FBXL13: variants seen among roughly 807,000 people sequenced by gnomAD.
FBXL13 encodes F-box and leucine rich repeat protein 13, also known as F-box and leucine-rich repeat protein 13.
Under a neutral mutation model 83.6 loss-of-function variants are expected in FBXL13, and 67 were observed. The observed-to-expected ratio is 0.80, with a 90% CI of 0.66 to 0.98. FBXL13 has a LOEUF of 0.98. Ranked by LOEUF, FBXL13 falls within the 50% of genes least tolerant of loss-of-function variation. The probability of loss-of-function intolerance (pLI) is 0.00; values close to 1 mark genes in which losing one functional copy is unlikely to be tolerated. For missense variants in FBXL13, 822 were observed against 866.5 expected (o/e 0.95, Z 0.64); for synonymous variants, 272 against 299.5 (o/e 0.91, Z 0.95).
At chr7:102,833,304 T>TC (rs1433511601) in intron 17 of FBXL13, among the ~76,000 whole-genome samples, 2 of 152,134 alleles carry the variant, frequency 1.3e-5, no homozygotes, top group Non-Finnish European at 2.9e-5. Flanking sequence ...TGGCAGACAC[T>TC]CCAAGATTGA....
intron 2 of FBXL13, among the ~76,000 whole-genome samples, chr7:103,029,782 A>T (rs1050519640): frequency 3.7e-5 from 1 of 27,018 alleles, no homozygotes; most frequent in Non-Finnish European, 9.3e-5. Context: ...TTCTGAATCA[A>T]ACAGAATGAT....
At chr7:102,871,444 G>A (rs1047276172) in intron 16 of FBXL13, among the ~76,000 whole-genome samples, 12 of 151,834 alleles carry the variant, frequency 7.9e-5, no homozygotes, top group African/African-American at 2.7e-4. Flanking sequence ...GGAGTGCAGT[G>A]GTACAATCTC....
At chr7:102,844,778 T>C (rs1438867317) in intron 17 of FBXL13, among the ~76,000 whole-genome samples, 1 of 152,182 alleles carries the variant, frequency 6.6e-6, no homozygotes, top group Non-Finnish European at 1.5e-5. Context: ...AGATTTCAGA[T>C]GCCAATCGCA....
intron 1 of FBXL13, among the ~76,000 whole-genome samples, chr7:103,066,385 G>A (rs1355517894): frequency 2.6e-5 from 4 of 151,406 alleles, no homozygotes; most frequent in African/African-American, 9.7e-5. Flanking sequence ...TGGCTATTAT[G>A]AATGTAATTT....
At chr7:102,926,139 C>A in intron 10 of FBXL13, 135 bp downstream of exon 11, 1 of 685,376 alleles carries the variant, frequency 1.5e-6, no homozygotes, top group East Asian at 2.9e-5. Flanking sequence ...AAGCAGCAGA[C>A]CCCTTATCAG....
intron 11 of FBXL13, among the ~76,000 whole-genome samples, chr7:102,898,767 C>G (rs1812597299): frequency 6.6e-6 from 1 of 152,152 alleles, no homozygotes; most frequent in Admixed American, 6.6e-5. Flanking sequence ...GCAACAAATT[C>G]AGATACATCG....
At chr7:103,017,488 A>G (rs556227526) in intron 6 of FBXL13, among the ~76,000 whole-genome samples, 16 of 152,302 alleles carry the variant, frequency 1.1e-4, no homozygotes, top group Middle Eastern at 6.8e-3. Context: ...TGACTTTGAC[A>G]AGTTGAGAGA....
intron 8 of FBXL13, among the ~76,000 whole-genome samples, chr7:102,941,747 C>CAA (rs111478330): frequency 3.0e-4 from 39 of 131,372 alleles, no homozygotes; most frequent in African/African-American, 1.1e-3. Flanking sequence ...AAAGCTGTCT[C>CAA]AAAAAAAAAA....
intron 14 of FBXL13, among the ~76,000 whole-genome samples, chr7:102,883,032 G>C (rs1810318069): frequency 6.6e-6 from 1 of 151,848 alleles, no homozygotes; most frequent in African/African-American, 2.4e-5. Context: ...ACCCTCAATA[G>C]GAAAGGTAGC....
At chr7:102,840,411 A>G (rs931311528) in intron 17 of FBXL13, among the ~76,000 whole-genome samples, 2 of 152,210 alleles carry the variant, frequency 1.3e-5, no homozygotes, top group Non-Finnish European at 2.9e-5. Flanking sequence ...TGGCCCAATT[A>G]CCTGGCACTA....
intron 2 of FBXL13, among the ~76,000 whole-genome samples, chr7:103,038,127 C>T (rs1045728057): frequency 2.6e-5 from 4 of 152,210 alleles, no homozygotes; most frequent in African/African-American, 9.6e-5. Context: ...GTCTTCGCAA[C>T]CTGCAGACCA....
chr7:102,898,677 C>A (rs1812582280), intron 11 of FBXL13, among the ~76,000 whole-genome samples: 1 of 152,100 alleles, frequency 6.6e-6, no homozygotes, highest in African/African-American at 2.4e-5. Flanking sequence ...ACTGTCAGTG[C>A]CAGCAAAGTG....
At chr7:102,989,132 C>A (rs1335755065) in intron 6 of FBXL13, among the ~76,000 whole-genome samples, 2 of 152,136 alleles carry the variant, frequency 1.3e-5, no homozygotes, top group African/African-American at 2.4e-5. Flanking sequence ...GAGGAACAAA[C>A]AATTGAGTAA....
intron 6 of FBXL13, chr7:102,978,662 G>T: frequency 1.3e-5 from 3 of 238,688 alleles, no homozygotes; most frequent in South Asian, 1.2e-4. Flanking sequence ...ACAGCGTGTT[G>T]CTCCACACTG....
At chr7:103,043,052 A>G (rs1175851751) in intron 2 of FBXL13, among the ~76,000 whole-genome samples, 1 of 152,230 alleles carries the variant, frequency 6.6e-6, no homozygotes, top group Non-Finnish European at 1.5e-5. Flanking sequence ...AATGGGAGAG[A>G]ATCTTTGCAA....
intron 17 of FBXL13, among the ~76,000 whole-genome samples, chr7:102,836,405 T>C (rs1052495414): frequency 1.3e-5 from 2 of 152,230 alleles, no homozygotes; most frequent in Non-Finnish European, 2.9e-5. Context: ...TGCAAGCATG[T>C]TTCAACATAA....
intron 2 of FBXL13, among the ~76,000 whole-genome samples, chr7:103,049,764 C>A (rs1459922921): frequency 6.6e-6 from 1 of 152,102 alleles, no homozygotes; most frequent in Non-Finnish European, 1.5e-5. Context: ...TTCTTATTAC[C>A]CGACTTTAGC....
At chr7:102,992,453 C>T (rs1225051958) in intron 6 of FBXL13, among the ~76,000 whole-genome samples, 3 of 152,156 alleles carry the variant, frequency 2.0e-5, no homozygotes, top group Non-Finnish European at 4.4e-5. Context: ...GGCACATTCT[C>T]CCCATTTCCA....
intron 17 of FBXL13, among the ~76,000 whole-genome samples, chr7:102,851,815 A>G (rs575779350): frequency 7.2e-5 from 11 of 152,224 alleles, no homozygotes; most frequent in African/African-American, 2.6e-4. Context: ...CTTGCTCACA[A>G]TATGTACTTT....
Sources: allele counts gnomAD v4.1 joint callset (sites outside exome capture counted in the v4.1 genomes callset), GRCh38; gene constraint gnomAD v4.1.1; transcripts MANE v1.5; gene names NCBI Gene and HGNC (gene_info 2026-07-23, HGNC 2026-07-21).